MACROD2: variants seen among roughly 807,000 people sequenced by gnomAD.
MACROD2 encodes the protein mono-ADP ribosylhydrolase 2.
In MACROD2, 36 loss-of-function variants were observed where a neutral mutation model predicts 70.4. That is an observed-to-expected ratio of 0.51 (90% confidence interval 0.39 to 0.68). The LOEUF (loss-of-function observed/expected upper bound fraction) is 0.68, where lower values mean the gene tolerates loss of function less well. MACROD2 is among the 30% of genes least tolerant of loss of function. MACROD2 has a pLI of 0.00. For synonymous variants in MACROD2, 172 were observed against 178.8 expected (o/e 0.96, Z 0.30); for missense variants, 496 against 538.4 (o/e 0.92, Z 0.78).
At chr20:14,812,140 C>T (rs1158542530) in intron 5 of MACROD2, among the ~76,000 whole-genome samples, 2 of 152,040 alleles carry the variant, frequency 1.3e-5, no homozygotes, top group Non-Finnish European at 2.9e-5. Flanking sequence ...ATGTTTATTG[C>T]AGCACTATTC....
At chr20:15,165,473 A>G (rs1349433276) in intron 5 of MACROD2, among the ~76,000 whole-genome samples, 1 of 152,236 alleles carries the variant, frequency 6.6e-6, no homozygotes, top group African/African-American at 2.4e-5. Flanking sequence ...ACAACTAGAC[A>G]CAAATAAATT....
chr20:14,797,618 C>T (rs2072525599), intron 5 of MACROD2, among the ~76,000 whole-genome samples: 1 of 152,104 alleles, frequency 6.6e-6, no homozygotes, highest in African/African-American at 2.4e-5. Context: ...CTCATGAAGT[C>T]TTCCCCAAGC....
intron 2 of MACROD2, among the ~76,000 whole-genome samples, chr20:14,068,067 C>G (rs1319952499): frequency 6.6e-6 from 1 of 152,170 alleles, no homozygotes; most frequent in Non-Finnish European, 1.5e-5. Flanking sequence ...CTGCAGATGG[C>G]TCCATTGTTC....
intron 3 of MACROD2, among the ~76,000 whole-genome samples, chr20:14,227,114 T>G (rs1339523407): frequency 2.0e-5 from 3 of 152,172 alleles, no homozygotes; most frequent in African/African-American, 7.2e-5. Context: ...TGCACCAATC[T>G]ATACTCTGTA....
chr20:15,739,137 G>C (rs2051067515), intron 8 of MACROD2, among the ~76,000 whole-genome samples: 1 of 152,068 alleles, frequency 6.6e-6, no homozygotes, highest in African/African-American at 2.4e-5. Flanking sequence ...ATTAGGTGAA[G>C]GGAAGTCTCT....
At chr20:14,475,230 C>A (rs1381696365) in intron 3 of MACROD2, among the ~76,000 whole-genome samples, 1 of 151,996 alleles carries the variant, frequency 6.6e-6, no homozygotes, top group East Asian at 1.9e-4. Flanking sequence ...AAAAGAATCA[C>A]ACAAAAAACC....
intron 5 of MACROD2, among the ~76,000 whole-genome samples, chr20:14,844,222 G>A (rs2073116009): frequency 6.6e-6 from 1 of 151,972 alleles, no homozygotes; most frequent in Admixed American, 6.6e-5. Context: ...AATCCCAGTA[G>A]TCTGGGTGGC....
chr20:15,784,164 A>G (rs1362967528), intron 8 of MACROD2, among the ~76,000 whole-genome samples: 1 of 152,108 alleles, frequency 6.6e-6, no homozygotes, highest in Non-Finnish European at 1.5e-5. Context: ...CTACAGTTTG[A>G]AAAAAGCACT....
intron 5 of MACROD2, among the ~76,000 whole-genome samples, chr20:15,194,823 C>T (rs760365917): frequency 6.6e-6 from 1 of 152,124 alleles, no homozygotes; most frequent in Non-Finnish European, 1.5e-5. Flanking sequence ...TCCAGAGTTA[C>T]TGTTTGCATT....
At chr20:15,971,028 A>G (rs2066222605) in intron 13 of MACROD2, among the ~76,000 whole-genome samples, 1 of 152,200 alleles carries the variant, frequency 6.6e-6, no homozygotes, top group South Asian at 2.1e-4. Context: ...AATTATAAAT[A>G]TATCTCATAC....
intron 8 of MACROD2, among the ~76,000 whole-genome samples, chr20:15,530,212 A>T (rs2047777713): frequency 1.3e-5 from 2 of 152,060 alleles, no homozygotes; most frequent in Non-Finnish European, 2.9e-5. Flanking sequence ...GGAAATGGAA[A>T]CTCATCCCAA....
At position 14,208,606 on chromosome 20, in the gene MACROD2, G is replaced by A. The variant is rs377351356; in HGVS notation, c.271+122878G>A. Among the ~76,000 whole-genome samples the A allele has an allele frequency of 3.9e-5, 6 of 152,344 alleles. No homozygotes were observed. The East Asian group carries it at 7.7e-4, about 20-fold the overall frequency. The stretch of plus-strand genomic sequence containing the variant: ...GAGTAGGTTCCCAAACTACACTGTA[G>A]AGTTTCCTATAGCTGATTTGGCTTC... On this transcript the variant is annotated intron_variant, in intron 3 of 17. Coordinates refer to ENST00000684519, the MANE Select transcript of MACROD2 (RefSeq NM_001351661.2).
chr20:15,137,643 G>A (rs2076159968), intron 5 of MACROD2, among the ~76,000 whole-genome samples: 1 of 151,242 alleles, frequency 6.6e-6, no homozygotes. Context: ...ACACCAGCAT[G>A]TCACATGTAT....
At chr20:15,810,135 A>C (rs2063805738) in intron 8 of MACROD2, among the ~76,000 whole-genome samples, 1 of 149,854 alleles carries the variant, frequency 6.7e-6, no homozygotes, top group Non-Finnish European at 1.5e-5. Context: ...TGTCCTTGCG[A>C]TAGTTTGCTG....
At chr20:14,205,566 T>C (rs2081516478) in intron 3 of MACROD2, among the ~76,000 whole-genome samples, 1 of 152,160 alleles carries the variant, frequency 6.6e-6, no homozygotes, top group South Asian at 2.1e-4. Flanking sequence ...CCACTTCACA[T>C]TGATTTATTT....
intron 5 of MACROD2, among the ~76,000 whole-genome samples, chr20:14,833,757 C>G (rs2072998030): frequency 6.6e-6 from 1 of 152,066 alleles, no homozygotes; most frequent in Non-Finnish European, 1.5e-5. Context: ...AAAATGCTGT[C>G]TGCCTTACTT....
intron 8 of MACROD2, among the ~76,000 whole-genome samples, chr20:15,724,378 A>G (rs565376799): frequency 3.3e-4 from 50 of 152,292 alleles, no homozygotes; most frequent in African/African-American, 1.2e-3. Flanking sequence ...CTTGTATGCT[A>G]TTCTCTAAGA....
intron 5 of MACROD2, among the ~76,000 whole-genome samples, chr20:15,107,433 T>C (rs1392075756): frequency 6.6e-6 from 1 of 152,174 alleles, no homozygotes; most frequent in Non-Finnish European, 1.5e-5. Context: ...CAAAAGGATA[T>C]TGAGAAAACA....
chr20:14,993,818 T>A (rs1009599201), intron 5 of MACROD2, among the ~76,000 whole-genome samples: 5 of 152,172 alleles, frequency 3.3e-5, no homozygotes, highest in Admixed American at 3.3e-4. Context: ...AATACACAAA[T>A]CTTAGCTTAG....
Sources: allele counts gnomAD v4.1 joint callset (sites outside exome capture counted in the v4.1 genomes callset), GRCh38; gene constraint gnomAD v4.1.1; transcripts MANE v1.5; gene names NCBI Gene and HGNC (gene_info 2026-07-23, HGNC 2026-07-21).